Variants in ARHGAP10 observed in about 807,000 individuals in gnomAD.
The protein encoded by ARHGAP10 is Rho GTPase activating protein 10, also known as rho GTPase-activating protein 10.
ARHGAP10 carries 87 observed loss-of-function variants against 108.6 expected under a neutral mutation model. The ratio of observed to expected loss-of-function variants is 0.80; its 90% CI spans 0.67 to 0.96. The LOEUF (loss-of-function observed/expected upper bound fraction) is 0.96. Ranked by LOEUF, ARHGAP10 falls within the 40% of genes least tolerant of loss-of-function variation. The pLI is 0.00. For synonymous variants in ARHGAP10, 347 were observed against 341.1 expected, an observed-to-expected ratio of 1.02 and a Z score of -0.19; for missense variants, 939 against 954.5, an observed-to-expected ratio of 0.98 and a Z score of 0.21.
intron 19 of ARHGAP10, among the ~76,000 whole-genome samples, chr4:148,040,824 T>C (rs1325892010): frequency 6.6e-6 from 1 of 151,898 alleles, no homozygotes; most frequent in Non-Finnish European, 1.5e-5. Flanking sequence ...TGGGGGGGGT[T>C]ATTTGGTGTA....
At chr4:147,971,590 C>T (rs529010717) in intron 18 of ARHGAP10, among the ~76,000 whole-genome samples, 32 of 152,154 alleles carry the variant, frequency 2.1e-4, no homozygotes, top group Non-Finnish European at 2.9e-4. Flanking sequence ...GAGGACATTT[C>T]GGGTATGGGA....
At position 147,868,263 on chromosome 4, in the gene ARHGAP10, G is replaced by T. The variant is rs114460849; in HGVS notation, c.702+1447G>T. Among the ~76,000 whole-genome samples the T allele has an allele frequency of 1.4e-3, 217 of 151,812 alleles. 2 individuals are homozygous for T. The highest frequency in any genetic ancestry group is 2.8e-3 in the Non-Finnish European group (192 of 67,922). ...TTTTTGTTTTTTTTTTTGAGACAGG[G>T]TGTCACTCTGTCGCTGAGGCTGAAG... On this transcript the variant is annotated intron_variant, in intron 7 of 22. Coordinates refer to ENST00000336498, the MANE Select transcript of ARHGAP10 (RefSeq NM_024605.4).
chr4:148,023,973 C>T (rs1482272818), intron 19 of ARHGAP10, among the ~76,000 whole-genome samples: 3 of 152,260 alleles, frequency 2.0e-5, no homozygotes, highest in Non-Finnish European at 1.5e-5. Flanking sequence ...GTTCTCACGT[C>T]CCTTCCGAGC....
chr4:148,057,962 C>T (rs887500916), intron 20 of ARHGAP10, among the ~76,000 whole-genome samples: 7 of 152,216 alleles, frequency 4.6e-5, no homozygotes, highest in South Asian at 2.1e-4. Flanking sequence ...TGGGTTATGG[C>T]GACTTGCATG....
intron 4 of ARHGAP10, among the ~76,000 whole-genome samples, chr4:147,853,713 C>T (rs1174898809): frequency 6.6e-6 from 1 of 151,340 alleles, no homozygotes; most frequent in Non-Finnish European, 1.5e-5. Context: ...CCCCCCTTTG[C>T]TGTGTGCCCT....
rs188008469 is a variant in ARHGAP10, at chr4:147,930,360, A to G, written c.1229-9465A>G. 5.9e-5 allele frequency among the ~76,000 whole-genome samples: 9 copies of G among 152,220 alleles called. No individual in the cohort carries two copies. In the East Asian group the frequency reaches 1.5e-3, roughly 26 times the overall value. Reference sequence around the variant, plus strand: ...TTACTGATTAATCATCAATATATTAATTGTTCATTTATTTTTCAATTCATT... The same window carrying G: ...TTACTGATTAATCATCAATATATTAGTTGTTCATTTATTTTTCAATTCATT... On this transcript the variant is annotated intron_variant, in intron 13 of 22. Transcript: ENST00000336498.
At chr4:147,818,765 GA>G (rs1732367156) in intron 1 of ARHGAP10, among the ~76,000 whole-genome samples, 1 of 151,896 alleles carries the variant, frequency 6.6e-6, no homozygotes, top group African/African-American at 2.4e-5. Flanking sequence ...CTTTTGTTTT[GA>G]AAAGAAGAAG....
At chr4:148,007,868 G>A (rs1741013269) in intron 18 of ARHGAP10, among the ~76,000 whole-genome samples, 1 of 152,136 alleles carries the variant, frequency 6.6e-6, no homozygotes, top group Admixed American at 6.6e-5. Flanking sequence ...TCAGTTGCAT[G>A]ACTTAGCTTT....
chr4:148,038,382 C>T (rs1219175796), intron 19 of ARHGAP10, among the ~76,000 whole-genome samples: 1 of 152,166 alleles, frequency 6.6e-6, no homozygotes, highest in Non-Finnish European at 1.5e-5. Context: ...ACTAATTAGC[C>T]AAACAAAACT....
intron 20 of ARHGAP10, among the ~76,000 whole-genome samples, chr4:148,048,664 CCTT>C (rs1417355381): frequency 6.6e-6 from 1 of 152,142 alleles, no homozygotes; most frequent in Non-Finnish European, 1.5e-5. Context: ...TCTAATTATG[CCTT>C]TCAGTAAGTG....
At chr4:147,965,363 G>T (rs1291730066) in intron 17 of ARHGAP10, among the ~76,000 whole-genome samples, 2 of 152,144 alleles carry the variant, frequency 1.3e-5, no homozygotes, top group African/African-American at 2.4e-5. Flanking sequence ...TGAAAGAAGA[G>T]AATATTATAC....
chr4:147,767,660 G>T (rs1729892329), intron 1 of ARHGAP10, among the ~76,000 whole-genome samples: 1 of 151,952 alleles, frequency 6.6e-6, no homozygotes, highest in Non-Finnish European at 1.5e-5. Flanking sequence ...GAGGCTGTAG[G>T]GTGCCATGGT....
At chr4:147,973,661 C>T (rs1001747380) in intron 18 of ARHGAP10, among the ~76,000 whole-genome samples, 1 of 152,086 alleles carries the variant, frequency 6.6e-6, no homozygotes, top group African/African-American at 2.4e-5. Context: ...TGCCCATTAA[C>T]CATCCCTGCT....
intron 13 of ARHGAP10, among the ~76,000 whole-genome samples, chr4:147,932,661 G>A (rs1435381402): frequency 6.6e-6 from 1 of 151,772 alleles, no homozygotes; most frequent in Non-Finnish European, 1.5e-5. Context: ...AGGCGGGGGT[G>A]GGAGGAGGGA....
In ARHGAP10 at chr4:147,946,658, G is replaced by T. The variant is rs768029437; in HGVS notation, c.1345G>T (p.Asp449Tyr). ...TGAGGTGGACCTGGAGAATTCTGCA[G>T]ATTGGGAAGTGAAGACAATAACAAG... Reference protein sequence around the residue: ...CNEVDLENSADWEVKTITSAL... With the variant: ...CNEVDLENSAYWEVKTITSAL... Residue 449 changes from aspartate (D) to tyrosine (Y), a missense_variant, in exon 15 of 23, where the codon GAT becomes TAT. Physicochemically the swap from Asp to Tyr is radical, Grantham distance 160. Coordinates refer to ENST00000336498, the MANE Select transcript of ARHGAP10 (RefSeq NM_024605.4). The T allele has an allele frequency of 6.2e-7, 1 of 1,612,868 alleles. No homozygotes were observed. Among genetic ancestry groups the T allele is most frequent in the Admixed American group, 1.7e-5 (1 of 59,780 alleles).
intron 9 of ARHGAP10, among the ~76,000 whole-genome samples, chr4:147,881,375 C>T (rs556465236): frequency 2.6e-4 from 39 of 152,020 alleles, no homozygotes; most frequent in Non-Finnish European, 5.3e-4. Context: ...CGGTGGCTCA[C>T]GCCTGTAATC....
intron 1 of ARHGAP10, among the ~76,000 whole-genome samples, chr4:147,781,003 A>C (rs114628841): frequency 2.2e-3 from 337 of 152,242 alleles, no homozygotes; most frequent in African/African-American, 7.9e-3. Flanking sequence ...TCAGATTTGC[A>C]TTTGATGGTG....
intron 1 of ARHGAP10, among the ~76,000 whole-genome samples, chr4:147,791,112 C>CT (rs368304720): frequency 0.024 from 3,227 of 134,206 alleles, 91 homozygotes; most frequent in African/African-American, 0.067. Flanking sequence ...ATATTCTTTA[C>CT]TTTTTTTTTT....
rs189209671 is a variant in ARHGAP10, at chr4:147,761,853, T to G, written c.154+29398T>G. On this transcript the variant is annotated intron_variant, in intron 1 of 22. Transcript: ENST00000336498. ...CTAGGAAAAACGAAGGAGAAAAAGT[T>G]AAGTGAATTAAATGAGTAGCCACTT... Among the ~76,000 whole-genome samples the G allele has an allele frequency of 3.8e-3, 578 of 152,298 alleles. 3 individuals carry two copies. The highest frequency in any genetic ancestry group is 0.013 in the African/African-American group (557 of 41,542).
Sources: gnomAD v4.1 joint callset for allele counts (sites outside exome capture counted in the v4.1 genomes callset) on GRCh38, gnomAD v4.1.1 for gene constraint, MANE v1.5 for transcripts, NCBI Gene and HGNC (gene_info 2026-07-23, HGNC 2026-07-21) for gene names.